Variants in USP4 observed in about 807,000 individuals in gnomAD.
USP4 encodes ubiquitin specific peptidase 4, also known as ubiquitin carboxyl-terminal hydrolase 4.
Under a neutral mutation model 118.2 loss-of-function variants are expected in USP4, and 72 were observed. That is an observed-to-expected ratio of 0.61 (90% CI 0.50 to 0.74). The LOEUF (loss-of-function observed/expected upper bound fraction) is 0.74, where lower values mean the gene tolerates loss of function less well. USP4 is among the 30% of genes least tolerant of loss of function. USP4 has a pLI of 0.00. For synonymous variants in USP4, 415 were observed against 440.4 expected (o/e 0.94, Z 0.72); for missense variants, 1,037 against 1,185.7 (o/e 0.87, Z 1.84).
Position 49,278,823 on chromosome 3 carries a change from A to T in USP4, c.2724T>A (p.Asp908Glu), listed in dbSNP as rs1465654050. 3.1e-6 allele frequency: 5 copies of T among 1,609,254 alleles called. No individual in the cohort carries two copies. In the African/African-American group the frequency reaches 6.7e-5, roughly 22 times the overall value. The change falls in exon 21 of 22, where the codon GAT becomes GAA. Residue 908 changes from aspartate to glutamate, a missense_variant. Asp to Glu is a conservative substitution (Grantham distance 45, BLOSUM62 2). Coordinates refer to ENST00000265560, the MANE Select transcript of USP4 (RefSeq NM_003363.4). The stretch of plus-strand genomic sequence containing the variant: ...ATCATGGCCTACTCACCACTATCTG[A>T]TCCTCAGAGGCCAGGGACACGTTGC... ...DDSNVSLASE[D>E]QIVTKAAYVL...
chr3:49,335,560 C>T lies in USP4; in HGVS notation c.138G>A (p.Lys46=). Residue 46 remains lysine, a synonymous_variant, in exon 2 of 22, where the codon AAG becomes AAA. Coordinates refer to ENST00000265560, the MANE Select transcript of USP4 (RefSeq NM_003363.4). ...LIDSRWFKQW[K]KYVGFDSWDM... The stretch of plus-strand genomic sequence containing the variant: ...CCCAGCTGTCAAAGCCCACATACTT[C>T]TTCCACTGCTTGAACCACCGGCTGT... 1 of 1,614,202 alleles carries T rather than the reference C, an allele frequency of 6.2e-7. No individual in the cohort carries two copies. The highest frequency in any genetic ancestry group is 8.5e-7 in the Non-Finnish European group (1 of 1,180,048).
rs2047227600 is a variant in USP4, at chr3:49,298,049, A to T, written c.1597-85T>A. Reference sequence around the variant, plus strand: ...TTAAAACCCAGAAACAAATGAAAAAAAAAATACTCATACTCAAATGTTGCC... The same window carrying T: ...TTAAAACCCAGAAACAAATGAAAAATAAAATACTCATACTCAAATGTTGCC... On this transcript the variant is annotated intron_variant, in intron 12 of 21. Transcript: ENST00000265560. 8 of 889,740 alleles carry T rather than the reference A, an allele frequency of 9.0e-6. No individual in the cohort carries two copies. The South Asian group carries it at 1.1e-4, about 13-fold the overall frequency. 55.1% of individuals were successfully genotyped at this position (889,740 alleles called of 1,614,324 possible). A position where few individuals can be genotyped will look rare whatever the true frequency, so the allele number is the denominator to read the frequency against.
At position 49,335,492 on chromosome 3, in the gene USP4, A is replaced by G. The variant is rs764447959; in HGVS notation, c.206T>C (p.Ile69Thr). 6.8e-6 allele frequency: 11 copies of G among 1,614,230 alleles called. No individual in the cohort carries two copies. The South Asian group carries it at 1.1e-4, about 16-fold the overall frequency. Residue 69 changes from isoleucine (I) to threonine (T), a missense_variant, in exon 2 of 22, where the codon ATA becomes ACA. By Grantham distance (89) the Ile-to-Thr change is moderately conservative. Transcript: ENST00000265560. ...ACCTGAAAATAGCCCAGAGTTGTCTATTGGGCCAGGAAATAGGTTATGTTC... is the reference window on the plus strand; with the variant it reads ...ACCTGAAAATAGCCCAGAGTTGTCTGTTGGGCCAGGAAATAGGTTATGTTC... ...VGEHNLFPGPIDNSGLFSDPE... is the reference protein window; with the variant it reads ...VGEHNLFPGPTDNSGLFSDPE...
At chr3:49,306,446 G>A (rs546716782) in intron 8 of USP4, among the ~76,000 whole-genome samples, 25 of 151,860 alleles carry the variant, frequency 1.6e-4, no homozygotes, top group Non-Finnish European at 2.9e-4. Flanking sequence ...CAGATGATCC[G>A]CTCACCTTGG....
intron 14 of USP4, among the ~76,000 whole-genome samples, 173 bp downstream of exon 14, chr3:49,294,234 C>T (rs2047180072): frequency 6.6e-6 from 1 of 152,222 alleles, no homozygotes; most frequent in Admixed American, 6.5e-5. Context: ...ATCTGCCCGC[C>T]TTGGCCTTCC....
intron 15 of USP4, among the ~76,000 whole-genome samples, chr3:49,291,330 A>G (rs1304883791): frequency 6.7e-6 from 1 of 150,136 alleles, no homozygotes; most frequent in Non-Finnish European, 1.5e-5. Flanking sequence ...TAATCCCAGC[A>G]TTTTGGGAGG....
At chr3:49,304,495 A>G (rs942633250) in intron 9 of USP4, among the ~76,000 whole-genome samples, 2 of 152,130 alleles carry the variant, frequency 1.3e-5, no homozygotes, top group Non-Finnish European at 2.9e-5. Context: ...TGTGAGCCCA[A>G]TTCCTGACTT....
chr3:49,278,599 G>A (rs533444678), intron 21 of USP4, 148 bp from the exon 22 acceptor site: 1 of 1,042,654 alleles, frequency 9.6e-7, no homozygotes, highest in Non-Finnish European at 1.4e-6. Context: ...CCCCTGCCAG[G>A]CAGCAGGAAA....
chr3:49,318,994 A>G (rs999544140), intron 6 of USP4, among the ~76,000 whole-genome samples: 4 of 151,314 alleles, frequency 2.6e-5, no homozygotes, highest in Admixed American at 1.3e-4. Context: ...CAAGAAATAT[A>G]TTAAATTGGA....
intron 2 of USP4, among the ~76,000 whole-genome samples, chr3:49,332,929 G>A (rs2047633865): frequency 6.6e-6 from 1 of 151,696 alleles, no homozygotes; most frequent in Non-Finnish European, 1.5e-5. Context: ...TTACTCAGGA[G>A]GCTGAGATGG....
intron 12 of USP4, 127 bp from the exon 13 acceptor site, chr3:49,298,091 C>T: frequency 1.5e-6 from 1 of 661,734 alleles, no homozygotes; most frequent in Admixed American, 2.6e-5. Flanking sequence ...GAAACCACCA[C>T]ACAAACAGCC....
Position 49,325,812 on chromosome 3 carries a change from T to C in USP4, c.394A>G (p.Lys132Glu), listed in dbSNP as rs2047548108. Residue 132 changes from lysine (K) to glutamate (E), a missense_variant, in exon 4 of 22, where the codon AAA becomes GAA. Coordinates refer to ENST00000265560, the MANE Select transcript of USP4 (RefSeq NM_003363.4). The stretch of plus-strand genomic sequence containing the variant: ...AGTTCCAGCAAATACACCTCGACTT[T>C]GCAGTGCTTGACAAACAGGCCATGC... Reference protein sequence around the residue: ...VEHGLFVKHCKVEVYLLELKL... With the variant: ...VEHGLFVKHCEVEVYLLELKL... 2.2e-5 allele frequency: 36 copies of C among 1,613,780 alleles called. No individual in the cohort carries two copies. The highest frequency in any genetic ancestry group is 3.0e-5 in the Non-Finnish European group (35 of 1,179,880).
chr3:49,277,745 A>C lies in USP4; in HGVS notation c.*548T>G, dbSNP rs2046978419. Reference sequence around the variant, plus strand: ...TAGATATCTTCCTTAGCGGGGAGAAAGCTGGAAATTACAAGATGACTCAAC... The same window carrying C: ...TAGATATCTTCCTTAGCGGGGAGAACGCTGGAAATTACAAGATGACTCAAC... On this transcript the variant is annotated 3_prime_UTR_variant, in exon 22 of 22. Coordinates refer to ENST00000265560, the MANE Select transcript of USP4 (RefSeq NM_003363.4). The C allele has an allele frequency of 6.0e-6, 1 of 166,044 alleles. No homozygotes were observed. Among genetic ancestry groups the C allele is most frequent in the Non-Finnish European group, 1.3e-5 (1 of 77,782 alleles). 10.3% of individuals were successfully genotyped at this position (166,044 alleles called of 1,614,324 possible). A position where few individuals can be genotyped will look rare whatever the true frequency, so the allele number is the denominator to read the frequency against.
At position 49,303,753 on chromosome 3, in the gene USP4, C is replaced by A. The variant is rs557704686; in HGVS notation, c.1129-1211G>T. ...CAGCACAGTGTGTTGCCACCCAATTCTTTTTTATTTTTTTTTCTGGGACAG... is the reference window on the plus strand; with the variant it reads ...CAGCACAGTGTGTTGCCACCCAATTATTTTTTATTTTTTTTTCTGGGACAG... On this transcript the variant is annotated intron_variant, in intron 9 of 21. Transcript: ENST00000265560. 1.9e-3 allele frequency among the ~76,000 whole-genome samples: 293 copies of A among 152,070 alleles called. 2 individuals are homozygous for A. The highest frequency in any genetic ancestry group is 6.7e-3 in the African/African-American group (278 of 41,500).
In USP4 at chr3:49,278,898, A is replaced by G. The variant is rs773412586; in HGVS notation, c.2649T>C (p.Thr883=). Reference sequence around the variant, plus strand: ...CATTCAGTTTGTTCTTCGCATATGCAGTGTCTGCCAAGTCAACAAAGAAAA... The same window carrying G: ...CATTCAGTTTGTTCTTCGCATATGCGGTGTCTGCCAAGTCAACAAAGAAAA... ...HYGAMGVGHY[T]AYAKNKLNGK... The change falls in exon 21 of 22, where the codon ACT becomes ACC. Residue 883 remains threonine (T), a synonymous_variant. Transcript: ENST00000265560. The G allele has an allele frequency of 1.1e-5, 18 of 1,606,590 alleles. No individual in the cohort carries two copies. The highest frequency in any genetic ancestry group is 1.4e-5 in the Non-Finnish European group (17 of 1,176,200).
chr3:49,283,160 T>TTATGA (rs2047055497), intron 19 of USP4, among the ~76,000 whole-genome samples: 1 of 148,890 alleles, frequency 6.7e-6, no homozygotes, highest in Non-Finnish European at 1.5e-5. Context: ...GGACCACAGG[T>TTATGA]GTGCGCCACC....
Position 49,284,499 on chromosome 3 carries a change from G to T in USP4, c.2357C>A (p.Thr786Asn), listed in dbSNP as rs1012502589. 8 of 1,614,126 alleles carry T rather than the reference G, an allele frequency of 5.0e-6. No individual in the cohort carries two copies. Among genetic ancestry groups the T allele is most frequent in the Non-Finnish European group, 5.9e-6 (7 of 1,180,034 alleles). Residue 786 changes from threonine (T) to asparagine (N), a missense_variant, in exon 18 of 22, where the codon ACC becomes AAC. Around this residue, in one of 3 missense-constraint regions of USP4, gnomAD observed 522 missense variants for 592.6 expected, o/e 0.88. Transcript: ENST00000265560. The part of the protein sequence containing the change: ...VALRDCIELF[T>N]TMETLGEHDP... Reference sequence around the variant, plus strand: ...ATGCTCCCCAAGGGTCTCCATGGTGGTGAAGAGCTCGATGCAGTCTCTCAG... The same window carrying T: ...ATGCTCCCCAAGGGTCTCCATGGTGTTGAAGAGCTCGATGCAGTCTCTCAG...
chr3:49,302,661 G>C, intron 9 of USP4, 119 bp from the exon 10 acceptor site: 1 of 971,576 alleles, frequency 1.0e-6, no homozygotes, highest in Non-Finnish European at 1.5e-6. Context: ...GAGAACACTT[G>C]GTTGAGTAGT....
intron 1 of USP4, among the ~76,000 whole-genome samples, chr3:49,338,759 ACATAAG>A (rs1403049750): frequency 6.6e-6 from 1 of 152,130 alleles, no homozygotes; most frequent in Non-Finnish European, 1.5e-5. Flanking sequence ...CAAGGTGAAT[ACATAAG>A]CTGTTATCTG....
Sources: allele counts gnomAD v4.1 joint callset (sites outside exome capture counted in the v4.1 genomes callset), GRCh38; gene constraint gnomAD v4.1.1; regional missense constraint gnomAD v4.1.1; transcripts MANE v1.5; gene names NCBI Gene and HGNC (gene_info 2026-07-23, HGNC 2026-07-21).